PGLYRP1: variants seen among roughly 807,000 people sequenced by gnomAD.
PGLYRP1 encodes peptidoglycan recognition protein 1.
Under a neutral mutation model 16.3 loss-of-function variants are expected in PGLYRP1, and 18 were observed. The ratio of observed to expected loss-of-function variants is 1.11; its 90% confidence interval spans 0.77 to 1.64. PGLYRP1 has a LOEUF of 1.64. Among genes scored for constraint, PGLYRP1 ranks in the 40% most tolerant of loss-of-function variants. PGLYRP1 has a pLI of 0.00. For missense variants in PGLYRP1, 261 were observed against 268.6 expected, an observed-to-expected ratio of 0.97 and a Z score of 0.20; for synonymous variants, 89 against 105.7, an observed-to-expected ratio of 0.84 and a Z score of 0.97.
Position 46,022,862 on chromosome 19 carries a change from A to T in PGLYRP1, c.160T>A (p.Leu54Ile), listed in dbSNP as rs764017871. 1.9e-6 allele frequency: 3 copies of T among 1,613,260 alleles called. No homozygotes were observed. Among genetic ancestry groups the T allele is most frequent in the African/African-American group, 1.3e-5 (1 of 74,924 alleles). Reference sequence around the variant, plus strand: ...GTGTGCGATACCACCACATAGCGTAAGGGCAGGCTCAGGTGCTGGGCGCAC... The same window carrying T: ...GTGTGCGATACCACCACATAGCGTATGGGCAGGCTCAGGTGCTGGGCGCAC... The part of the protein sequence containing the change: ...SECAQHLSLP[L>I]RYVVVSHTAG... The change falls in exon 1 of 3, where the codon TTA becomes ATA. Residue 54 changes from leucine (L) to isoleucine (I), a missense_variant. Coordinates refer to ENST00000008938, the MANE Select transcript of PGLYRP1 (RefSeq NM_005091.3).
chr19:46,020,484 C>T (rs1226603335), intron 1 of PGLYRP1, among the ~76,000 whole-genome samples: 1 of 152,126 alleles, frequency 6.6e-6, no homozygotes, highest in Non-Finnish European at 1.5e-5. Context: ...TTTGTACAAG[C>T]TACTCAGAGC....
chr19:46,020,618 C>T (rs560105071), intron 1 of PGLYRP1, among the ~76,000 whole-genome samples: 2 of 152,296 alleles, frequency 1.3e-5, no homozygotes, highest in South Asian at 2.1e-4. Flanking sequence ...AGCCCCAGCA[C>T]CTGCCTCTTT....
At chr19:46,020,365 C>T (rs997342398) in intron 1 of PGLYRP1, among the ~76,000 whole-genome samples, 4 of 152,162 alleles carry the variant, frequency 2.6e-5, no homozygotes, top group African/African-American at 9.7e-5. Context: ...CGCCTTTGGC[C>T]TCCCAAAGTG....
At chr19:46,022,369 C>T (rs1202382148) in intron 1 of PGLYRP1, among the ~76,000 whole-genome samples, 5 of 152,252 alleles carry the variant, frequency 3.3e-5, no homozygotes, top group East Asian at 1.9e-4. Context: ...AACCCAGCTC[C>T]GCACTGAGTC....
At position 46,022,775 on chromosome 19, in the gene PGLYRP1, A is replaced by T; in HGVS notation, c.247T>A (p.Tyr83Asn). 1.2e-6 allele frequency: 2 copies of T among 1,614,216 alleles called. No homozygotes were observed. The highest frequency in any genetic ancestry group is 3.3e-4 in the Middle Eastern group (2 of 6,062). Reference sequence around the variant, plus strand: ...CACCAGCCCAGTGTCTTCATGTGGTAGTGCTGCACATTCCGGGCCTGCTGC... The same window carrying T: ...CACCAGCCCAGTGTCTTCATGTGGTTGTGCTGCACATTCCGGGCCTGCTGC... ...CQQQARNVQH[Y>N]HMKTLGWCDV... is the part of the protein sequence containing the mutation. The change falls in exon 1 of 3, where the codon TAC becomes AAC. Residue 83 changes from tyrosine (Y) to asparagine (N), a missense_variant. Physicochemically the swap from Tyr to Asn is moderately radical, Grantham distance 143. Coordinates refer to ENST00000008938, the MANE Select transcript of PGLYRP1 (RefSeq NM_005091.3).
At position 46,022,844 on chromosome 19, in the gene PGLYRP1, A is replaced by T; in HGVS notation, c.178T>A (p.Ser60Thr). 2.5e-6 allele frequency: 4 copies of T among 1,613,476 alleles called. No individual in the cohort carries two copies. The highest frequency in any genetic ancestry group is 2.5e-6 in the Non-Finnish European group (3 of 1,179,730). The change falls in exon 1 of 3, where the codon TCG (serine) becomes ACG (threonine). Residue 60 changes from serine to threonine, a missense_variant. Transcript: ENST00000008938. ...LSLPLRYVVV[S>T]HTAGSSCNTP... Reference sequence around the variant, plus strand: ...TTGCAGCTGCTGCCCGCCGTGTGCGATACCACCACATAGCGTAAGGGCAGG... The same window carrying T: ...TTGCAGCTGCTGCCCGCCGTGTGCGTTACCACCACATAGCGTAAGGGCAGG...
At chr19:46,022,109 C>T (rs371428225) in intron 1 of PGLYRP1, among the ~76,000 whole-genome samples, 14 of 152,226 alleles carry the variant, frequency 9.2e-5, no homozygotes, top group East Asian at 5.8e-4. Context: ...TCTTTCAACC[C>T]CAGGAGGCTA....
chr19:46,023,011 C>A lies in PGLYRP1; in HGVS notation c.11G>T (p.Arg4Leu), dbSNP rs1433868270. Reference protein sequence around the residue: MSRRSMLLAWALPS... With the variant: MSRLSMLLAWALPS... ...GAGAGCCCAGGCAAGCAGCATAGAGCGGCGGGACATAGTGGCAGGGCGGCA... is the reference window on the plus strand; with the variant it reads ...GAGAGCCCAGGCAAGCAGCATAGAGAGGCGGGACATAGTGGCAGGGCGGCA... The change falls in exon 1 of 3, where the codon CGC becomes CTC. Residue 4 changes from arginine to leucine, a missense_variant. Coordinates refer to ENST00000008938, the MANE Select transcript of PGLYRP1 (RefSeq NM_005091.3). 12 of 1,553,520 alleles carry A rather than the reference C, an allele frequency of 7.7e-6. No individual in the cohort carries two copies. The highest frequency in any genetic ancestry group is 1.4e-5 in the African/African-American group (1 of 73,054).
chr19:46,021,342 C>T (rs1969041990), intron 1 of PGLYRP1: 1 of 152,282 alleles, frequency 6.6e-6, no homozygotes, highest in Non-Finnish European at 1.5e-5. Flanking sequence ...CCTTTGGACA[C>T]TTCTAGACTT....
chr19:46,020,087 A>G (rs1235178552), intron 1 of PGLYRP1, among the ~76,000 whole-genome samples: 3 of 148,562 alleles, frequency 2.0e-5, no homozygotes, highest in South Asian at 4.2e-4. Flanking sequence ...CTTGCAGGAC[A>G]GCCCTCTGAG....
In PGLYRP1 at chr19:46,019,542, G is replaced by T. The variant is rs1407571518; in HGVS notation, c.393C>A (p.Phe131Leu). ...LWNPMSIGIS[F>L]MGNYMDRVPT... ...GTCACTCACCCATGTAGTTGCCCAT[G>T]AAGCTGATGCCAATGGACATGGGGT... The change falls in exon 2 of 3, where the codon TTC (phenylalanine) becomes TTA (leucine). Residue 131 changes from phenylalanine (F) to leucine (L), a missense_variant. Coordinates refer to ENST00000008938, the MANE Select transcript of PGLYRP1 (RefSeq NM_005091.3). This position sits in a 1 kb window ranked among gnomAD's most constrained non-coding sequence, Gnocchi z 4.8. 6.2e-7 allele frequency: 1 copy of T among 1,613,964 alleles called. No homozygotes were observed. The highest frequency in any genetic ancestry group is 8.5e-7 in the Non-Finnish European group (1 of 1,179,968).
In PGLYRP1 at chr19:46,022,463, G is replaced by A. The variant is rs879576937; in HGVS notation, c.287+272C>T. ...AGGCGTCGCGGACACCTTGGTGTGT[G>A]TTAGGCAAAGCCTGCCCCTTCTTCC... On this transcript the variant is annotated intron_variant, in intron 1 of 2. Transcript: ENST00000008938. 2.8e-4 allele frequency among the ~76,000 whole-genome samples: 42 copies of A among 152,384 alleles called. 2 individuals carry two copies. The highest frequency in any genetic ancestry group is 2.7e-3 in the Admixed American group (42 of 15,310).
chr19:46,019,171 T>C lies in PGLYRP1; in HGVS notation c.*67A>G. ...GAACACATTTTGAGCTACATCTTTA[T>C]TGGAGAAGGAGACAGTGGGGTTTTT... On this transcript the variant is annotated 3_prime_UTR_variant, in exon 3 of 3. Coordinates refer to ENST00000008938, the MANE Select transcript of PGLYRP1 (RefSeq NM_005091.3). The surrounding 1 kb of genome is among the most constrained non-coding windows in gnomAD (Gnocchi z 4.8). The C allele has an allele frequency of 3.6e-6, 5 of 1,393,908 alleles. No homozygotes were observed. Among genetic ancestry groups the C allele is most frequent in the Non-Finnish European group, 5.1e-6 (5 of 983,884 alleles). The allele number at this position is 1,393,908 out of a possible 1,614,324, so 86.3% of individuals were successfully genotyped here.
In PGLYRP1 at chr19:46,023,051, G is replaced by A. The variant is rs751139503; in HGVS notation, c.-30C>T. 1 of 1,481,110 alleles carries A rather than the reference G, an allele frequency of 6.8e-7. No individual in the cohort carries two copies. Among genetic ancestry groups the A allele is most frequent in the South Asian group, 1.4e-5 (1 of 72,042 alleles). The allele number at this position is 1,481,110 out of a possible 1,614,324, so 91.7% of individuals were successfully genotyped here. A position where few individuals can be genotyped will look rare whatever the true frequency, so the allele number is the denominator to read the frequency against. On this transcript the variant is annotated 5_prime_UTR_variant, in exon 1 of 3. Coordinates refer to ENST00000008938, the MANE Select transcript of PGLYRP1 (RefSeq NM_005091.3). ...GCAGGGCGGCAGGGTCCGGGAGACC[G>A]CTAGGAGCGCCCGGTGGAGGGGCCG...
At chr19:46,020,203 G>T (rs1969029890) in intron 1 of PGLYRP1, among the ~76,000 whole-genome samples, 1 of 151,594 alleles carries the variant, frequency 6.6e-6, no homozygotes, top group Non-Finnish European at 1.5e-5. Context: ...CTGCCTCCTG[G>T]GTTCAAGTGA....
Position 46,019,416 on chromosome 19 carries a change from C to G in PGLYRP1, c.413G>C (p.Arg138Pro), listed in dbSNP as rs772080101. ...GISFMGNYMD[R>P]VPTPQAIRAA... ...CCGGATGGCCTGGGGTGTGGGCACC[C>G]GATCTGGAGGAGGCAGAGGTAGGAG... Residue 138 changes from arginine to proline, a missense_variant, in exon 3 of 3, where the codon CGG becomes CCG. Physicochemically the swap from Arg to Pro is moderately radical, Grantham distance 103 (BLOSUM62 -2). Transcript: ENST00000008938. The surrounding 1 kb of genome is among the most constrained non-coding windows in gnomAD (Gnocchi z 4.8). 2.5e-6 allele frequency: 4 copies of G among 1,613,210 alleles called. No homozygotes were observed. The Admixed American group carries it at 6.7e-5, about 27-fold the overall frequency.
chr19:46,022,814 G>A lies in PGLYRP1; in HGVS notation c.208C>T (p.Pro70Ser). 2 of 1,614,036 alleles carry A rather than the reference G, an allele frequency of 1.2e-6. No homozygotes were observed. The highest frequency in any genetic ancestry group is 1.7e-6 in the Non-Finnish European group (2 of 1,179,982). ...CGGGCCTGCTGCTGGCACGAGGCGG[G>A]GGTGTTGCAGCTGCTGCCCGCCGTG... Reference protein sequence around the residue: ...SHTAGSSCNTPASCQQQARNV... With the variant: ...SHTAGSSCNTSASCQQQARNV... The change falls in exon 1 of 3, where the codon CCC becomes TCC. Residue 70 changes from proline to serine, a missense_variant. Coordinates refer to ENST00000008938, the MANE Select transcript of PGLYRP1 (RefSeq NM_005091.3).
At position 46,022,845 on chromosome 19, in the gene PGLYRP1, T is replaced by C; in HGVS notation, c.177A>G (p.Val59=). 6.2e-7 allele frequency: 1 copy of C among 1,613,530 alleles called. No individual in the cohort carries two copies. The highest frequency in any genetic ancestry group is 8.5e-7 in the Non-Finnish European group (1 of 1,179,734). ...HLSLPLRYVV[V]SHTAGSSCNT... is the part of the protein sequence containing the mutation. ...TGCAGCTGCTGCCCGCCGTGTGCGA[T>C]ACCACCACATAGCGTAAGGGCAGGC... is the stretch of plus-strand genomic sequence containing the variant. Residue 59 remains valine (V), a synonymous_variant, in exon 1 of 3, where the codon GTA becomes GTG. Coordinates refer to ENST00000008938, the MANE Select transcript of PGLYRP1 (RefSeq NM_005091.3).
chr19:46,020,439 A>C (rs973025676), intron 1 of PGLYRP1, among the ~76,000 whole-genome samples: 3 of 152,072 alleles, frequency 2.0e-5, no homozygotes, highest in Non-Finnish European at 4.4e-5. Flanking sequence ...TCCTCATCTT[A>C]AGCAGAGAGA....
Sources: allele counts gnomAD v4.1 joint callset (sites outside exome capture counted in the v4.1 genomes callset), GRCh38; gene constraint gnomAD v4.1.1; non-coding constraint Gnocchi (gnomAD v3.1); transcripts MANE v1.5; gene names NCBI Gene and HGNC (gene_info 2026-07-23, HGNC 2026-07-21).